SLC35F4: variants seen among roughly 807,000 people sequenced by gnomAD.
SLC35F4 encodes the protein solute carrier family 35 member F4, also known as chromosome 14 open reading frame 36.
In SLC35F4, 24 loss-of-function variants were observed where a neutral mutation model predicts 44.2. The ratio of observed to expected loss-of-function variants is 0.54; its 90% CI spans 0.39 to 0.76. The LOEUF is 0.76. SLC35F4 is among the 30% of genes least tolerant of loss of function. SLC35F4 has a pLI of 0.00. For missense variants in SLC35F4, 562 were observed against 586.1 expected (o/e 0.96, Z 0.42); for synonymous variants, 238 against 223.6 (o/e 1.06, Z -0.57).
At chr14:57,623,348 C>T (rs2072300395) in intron 1 of SLC35F4, among the ~76,000 whole-genome samples, 1 of 152,118 alleles carries the variant, frequency 6.6e-6, no homozygotes, top group South Asian at 2.1e-4. Flanking sequence ...CTTAGACTCC[C>T]ACACAATAAT....
At chr14:57,814,490 T>C (rs1215496621) in intron 1 of SLC35F4, among the ~76,000 whole-genome samples, 1 of 152,224 alleles carries the variant, frequency 6.6e-6, no homozygotes, top group African/African-American at 2.4e-5. Flanking sequence ...AGGATACAAA[T>C]GAAAGATGCT....
intron 1 of SLC35F4, among the ~76,000 whole-genome samples, chr14:57,682,348 C>T (rs1463131741): frequency 2.6e-5 from 4 of 152,106 alleles, no homozygotes; most frequent in Non-Finnish European, 5.9e-5. Context: ...TTTGCAGGGA[C>T]ATGGATGATG....
chr14:57,933,744 G>A (rs755479434), intron 1 of SLC35F4, among the ~76,000 whole-genome samples: 6 of 152,102 alleles, frequency 3.9e-5, no homozygotes, highest in South Asian at 2.1e-4. Flanking sequence ...AAACCTTAAG[G>A]GATTTGAGGC....
intron 1 of SLC35F4, among the ~76,000 whole-genome samples, chr14:57,617,115 T>C (rs1001547618): frequency 6.2e-5 from 9 of 146,124 alleles, no homozygotes; most frequent in African/African-American, 1.8e-4. Context: ...CGAGCTCAGC[T>C]TAACTGTACT....
intron 1 of SLC35F4, among the ~76,000 whole-genome samples, chr14:57,703,790 C>T (rs117876622): frequency 0.013 from 2,035 of 152,268 alleles, 25 homozygotes; most frequent in South Asian, 0.059. Context: ...ATCCAGATAG[C>T]TTTTCAAATC....
intron 1 of SLC35F4, among the ~76,000 whole-genome samples, chr14:57,773,088 C>T (rs1327100690): frequency 2.0e-5 from 3 of 152,022 alleles, no homozygotes; most frequent in South Asian, 2.1e-4. Flanking sequence ...CTCTGATGAT[C>T]GGTGATGTTG....
upstream of SLC35F4, among the ~76,000 whole-genome samples, chr14:57,982,521 G>A (rs1054941862): frequency 6.6e-6 from 1 of 152,060 alleles, no homozygotes; most frequent in African/African-American, 2.4e-5. Context: ...GCCAACGAGA[G>A]CCAAGAGGGG....
chr14:57,971,046 C>A (rs73306410), intron 1 of SLC35F4, among the ~76,000 whole-genome samples: 15,124 of 152,122 alleles, frequency 0.099, 980 homozygotes, highest in African/African-American at 0.19. Context: ...TAATGAGTTG[C>A]CAAATTAATG....
At chr14:57,703,181 C>G (rs1046748348) in intron 1 of SLC35F4, among the ~76,000 whole-genome samples, 1 of 152,134 alleles carries the variant, frequency 6.6e-6, no homozygotes, top group Non-Finnish European at 1.5e-5. Flanking sequence ...TTTCGTCCAT[C>G]AACTTCATCT....
intron 1 of SLC35F4, among the ~76,000 whole-genome samples, chr14:57,743,977 C>T (rs2076690433): frequency 1.3e-5 from 2 of 152,164 alleles, no homozygotes; most frequent in South Asian, 2.1e-4. Context: ...ACAAAAACCA[C>T]GTGATTATCT....
At chr14:57,803,717 G>A (rs1313351884) in intron 1 of SLC35F4, among the ~76,000 whole-genome samples, 1 of 150,648 alleles carries the variant, frequency 6.6e-6, no homozygotes, top group Non-Finnish European at 1.5e-5. Context: ...AGCCTCCTGA[G>A]TAGCTGGGAT....
intron 4 of SLC35F4, among the ~76,000 whole-genome samples, chr14:57,577,741 T>A (rs954331489): frequency 6.6e-6 from 1 of 151,982 alleles, no homozygotes; most frequent in East Asian, 1.9e-4. Context: ...CATAATAAGG[T>A]CTGAGAGACA....
At chr14:57,801,021 C>T (rs879272328) in intron 1 of SLC35F4, among the ~76,000 whole-genome samples, 2 of 151,994 alleles carry the variant, frequency 1.3e-5, no homozygotes, top group Non-Finnish European at 2.9e-5. Flanking sequence ...GCAGAGAACC[C>T]CAGTAAGATA....
At chr14:57,978,320 G>C (rs956731110) in intron 1 of SLC35F4, among the ~76,000 whole-genome samples, 2 of 152,184 alleles carry the variant, frequency 1.3e-5, no homozygotes, top group Non-Finnish European at 2.9e-5. Flanking sequence ...GCTGTGATCT[G>C]TATGTAATAG....
chr14:57,887,201 T>A (rs919165255), intron 1 of SLC35F4, among the ~76,000 whole-genome samples: 3 of 152,052 alleles, frequency 2.0e-5, no homozygotes, highest in African/African-American at 7.2e-5. Flanking sequence ...TGAGCAAAAA[T>A]CCGGGTAGTG....
chr14:57,867,819 A>AAT (rs1286896214), upstream of SLC35F4, among the ~76,000 whole-genome samples: 3 of 152,126 alleles, frequency 2.0e-5, no homozygotes, highest in East Asian at 1.9e-4. Flanking sequence ...ATAGCACATT[A>AAT]ATATATATAT....
chr14:57,929,871 A>G (rs1251508390), intron 1 of SLC35F4, among the ~76,000 whole-genome samples: 5 of 152,148 alleles, frequency 3.3e-5, no homozygotes, highest in African/African-American at 1.2e-4. Flanking sequence ...GCTCTCACAG[A>G]AGCTTTGGGA....
chr14:57,703,319 A>G (rs1009467397), intron 1 of SLC35F4, among the ~76,000 whole-genome samples: 1 of 152,220 alleles, frequency 6.6e-6, no homozygotes, highest in African/African-American at 2.4e-5. Context: ...AAATTAAATC[A>G]GTGTCCTTTA....
chr14:57,963,140 C>T (rs1419186753), intron 1 of SLC35F4, among the ~76,000 whole-genome samples: 1 of 152,106 alleles, frequency 6.6e-6, no homozygotes, highest in Admixed American at 6.6e-5. Flanking sequence ...GAGTTCTGAC[C>T]TCTTCTCAGG....
Sources: allele counts gnomAD v4.1 joint callset (sites outside exome capture counted in the v4.1 genomes callset), GRCh38; gene constraint gnomAD v4.1.1; transcripts MANE v1.5; gene names NCBI Gene and HGNC (gene_info 2026-07-23, HGNC 2026-07-21).